Variants in PIEZO1 observed in about 807,000 individuals in gnomAD.
The protein encoded by PIEZO1 is piezo type mechanosensitive ion channel component 1 (Er blood group), also known as piezo-type mechanosensitive ion channel component 1.
In PIEZO1, 296 loss-of-function variants were observed where a neutral mutation model predicts 297.2. The observed-to-expected ratio is 1.00, with a 90% CI of 0.91 to 1.10. The LOEUF is 1.10. Ranked by LOEUF, PIEZO1 falls within the 50% of genes least tolerant of loss-of-function variation. The pLI is 0.00. For missense variants in PIEZO1, 5,018 were observed against 3,455.5 expected, an observed-to-expected ratio of 1.45 and a Z score of -11.34; for synonymous variants, 2,427 against 1,507.5, an observed-to-expected ratio of 1.61 and a Z score of -14.13.
rs1404932330 is a variant in PIEZO1 at position 88,736,253 on chromosome 16, C to G, written c.1452G>C (p.Trp484Cys). The change falls in exon 12 of 51, where the codon TGG becomes TGC. Residue 484 changes from tryptophan to cysteine, a missense_variant. By Grantham distance (215) the Trp-to-Cys change is radical. Coordinates refer to ENST00000301015, the MANE Select transcript of PIEZO1 (RefSeq NM_001142864.4). The stretch of plus-strand genomic sequence containing the variant: ...GCAGCTCAGGGCGCAGGTCCATGGC[C>G]CACACGTAGCGTAGGCAGCACAGCG... ...GMTLCCLRYV[W>C]AMDLRPELPT... 10 of 1,550,000 alleles carry G rather than the reference C, an allele frequency of 6.5e-6. No homozygotes were observed. Among genetic ancestry groups the G allele is most frequent in the Non-Finnish European group, 8.7e-6 (10 of 1,146,826 alleles).
Position 88,719,761 on chromosome 16 carries a change from T to C in PIEZO1, c.6324-40A>G, listed in dbSNP as rs752338911. On this transcript the variant is annotated intron_variant, in intron 43 of 50. Transcript: ENST00000301015. ...GGTTCCCGTCAGGTGGGCTCCCTCA[T>C]GCCCGGGCCGTGACCCCCACCCCGG... is the stretch of plus-strand genomic sequence containing the variant. The C allele has an allele frequency of 5.8e-6, 9 of 1,550,228 alleles. No individual in the cohort carries two copies. The South Asian group carries it at 1.1e-4, about 18-fold the overall frequency.
chr16:88,740,933 G>A (rs1226606498), intron 5 of PIEZO1: 2 of 152,820 alleles, frequency 1.3e-5, no homozygotes, highest in Non-Finnish European at 1.5e-5. Flanking sequence ...GTCCGTGTGA[G>A]GGGGCCATAG....
intron 35 of PIEZO1, 28 bp downstream of exon 35, chr16:88,722,555 C>T (rs1351420866): frequency 3.4e-6 from 5 of 1,477,500 alleles, no homozygotes; most frequent in Non-Finnish European, 3.6e-6. Flanking sequence ...GGGGCAGCAG[C>T]TGGGGCTCGG....
At chr16:88,746,469 C>G (rs1001491809) in intron 2 of PIEZO1, among the ~76,000 whole-genome samples, 2 of 152,298 alleles carry the variant, frequency 1.3e-5, no homozygotes, top group South Asian at 2.1e-4. Context: ...CAGCCCCAGC[C>G]CCTACCCCTC....
chr16:88,771,633 A>G (rs1020836385), intron 1 of PIEZO1, among the ~76,000 whole-genome samples: 3 of 152,232 alleles, frequency 2.0e-5, no homozygotes, highest in African/African-American at 4.8e-5. Context: ...GGTCCCCCTC[A>G]GCCCACAGTC....
In PIEZO1 at chr16:88,738,349, A is replaced by T; in HGVS notation, c.726T>A (p.Thr242=). Residue 242 remains threonine (T), a synonymous_variant, in exon 7 of 51, where the codon ACT becomes ACA. Transcript: ENST00000301015. The stretch of plus-strand genomic sequence containing the variant: ...CGACGCAGAGTCTGCTGAAGCCCCG[A>T]GTGCTGATGGGAAAGTGGCAGGCCC... ...TWWACHFPIS[T]RGFSRLCVAV... is the part of the protein sequence containing the mutation. 1 of 1,535,856 alleles carries T rather than the reference A, an allele frequency of 6.5e-7. No homozygotes were observed. Among genetic ancestry groups the T allele is most frequent in the Non-Finnish European group, 8.7e-7 (1 of 1,146,856 alleles).
chr16:88,715,802 C>T lies in PIEZO1; in HGVS notation c.7369G>A (p.Gly2457Arg), dbSNP rs747385238. 2.6e-5 allele frequency: 40 copies of T among 1,550,152 alleles called. No individual in the cohort carries two copies. Among genetic ancestry groups the T allele is most frequent in the African/African-American group, 1.2e-4 (9 of 73,032 alleles). Residue 2457 changes from glycine to arginine, a missense_variant, in exon 51 of 51, where the codon GGA becomes AGA. Transcript: ENST00000301015. Reference sequence around the variant, plus strand: ...GAGTGCGAGATCTCGCTGAAGAATCCGCGCACGAACTTGCCGATGACCAGC... The same window carrying T: ...GAGTGCGAGATCTCGCTGAAGAATCTGCGCACGAACTTGCCGATGACCAGC... ...IVLVIGKFVRGFFSEISHSIM... is the reference protein window; with the variant it reads ...IVLVIGKFVRRFFSEISHSIM...
chr16:88,783,938 T>C (rs1296530597), intron 1 of PIEZO1, among the ~76,000 whole-genome samples: 1 of 152,216 alleles, frequency 6.6e-6, no homozygotes, highest in Non-Finnish European at 1.5e-5. Context: ...ACCTGCCGTG[T>C]CCATGGCGGA....
In PIEZO1 at chr16:88,725,308, G is replaced by A. The variant is rs976199976; in HGVS notation, c.4162+108C>T. On this transcript the variant is annotated intron_variant, in intron 29 of 50. Transcript: ENST00000301015. The stretch of plus-strand genomic sequence containing the variant: ...GGGTGATCATGCGGACAGGACAGGC[G>A]GGCTGGGAGCCCTGTGGGACGTCAC... The A allele has an allele frequency of 9.2e-5, 70 of 761,122 alleles. 1 individual carries two copies. In the East Asian group the frequency reaches 1.1e-3, roughly 12 times the overall value. 47.1% of individuals were successfully genotyped at this position (761,122 alleles called of 1,614,324 possible).
At chr16:88,736,085 AGG>A in intron 12 of PIEZO1, 61 bp downstream of exon 12, 2 of 1,455,484 alleles carry the variant, frequency 1.4e-6, no homozygotes, top group East Asian at 5.0e-5. Flanking sequence ...GACATTGAAC[AGG>A]ACGACAACCC....
rs976006615 is a variant in PIEZO1 at position 88,722,875 on chromosome 16, G to A, written c.4630C>T (p.Arg1544Trp). The change falls in exon 34 of 51, where the codon CGG becomes TGG. Residue 1544 changes from arginine to tryptophan, a missense_variant. Coordinates refer to ENST00000301015, the MANE Select transcript of PIEZO1 (RefSeq NM_001142864.4). ...TGTGTGAGGAGGTAGCGCTCTGCCC[G>A]CAGCACGTCGCTCATGGTGCCGTGG... ...RHHGTMSDVL[R>W]AERYLLTQEL... 38 of 1,548,258 alleles carry A rather than the reference G, an allele frequency of 2.5e-5. No individual in the cohort carries two copies. Among genetic ancestry groups the A allele is most frequent in the African/African-American group, 4.1e-5 (3 of 73,028 alleles).
intron 22 of PIEZO1, among the ~76,000 whole-genome samples, chr16:88,729,508 T>TG (rs1904661201): frequency 1.6e-5 from 2 of 123,360 alleles, no homozygotes; most frequent in Non-Finnish European, 3.5e-5. Context: ...TGACCCTCGA[T>TG]GCTGGGGAAC....
chr16:88,738,955 T>A (rs1321640020), intron 5 of PIEZO1: 1 of 586,334 alleles, frequency 1.7e-6, no homozygotes, highest in African/African-American at 1.9e-5. Flanking sequence ...CTGCAGGCCT[T>A]CCTGGTAGCA....
At position 88,722,887 on chromosome 16, in the gene PIEZO1, TCATGGTGC is replaced by T; in HGVS notation, c.4610_4617del (p.Gly1537GlufsTer83). 6.5e-7 allele frequency: 1 copy of T among 1,549,034 alleles called. No homozygotes were observed. The highest frequency in any genetic ancestry group is 8.7e-7 in the Non-Finnish European group (1 of 1,146,802). Reference sequence around the variant, plus strand: ...TAGCGCTCTGCCCGCAGCACGTCGCTCATGGTGCCGTGGTGCCGGGTGAACTCCTGCAG... The same window carrying T: ...TAGCGCTCTGCCCGCAGCACGTCGCTCGTGGTGCCGGGTGAACTCCTGCAG... On this transcript the variant is annotated frameshift_variant, in exon 34 of 51. Coordinates refer to ENST00000301015, the MANE Select transcript of PIEZO1 (RefSeq NM_001142864.4). LOFTEE classifies it high-confidence loss of function.
chr16:88,758,444 C>T (rs796991371), intron 1 of PIEZO1, among the ~76,000 whole-genome samples: 1 of 152,228 alleles, frequency 6.6e-6, no homozygotes, highest in South Asian at 2.1e-4. Context: ...CCCAGGGCTC[C>T]TCCTGCTGTG....
chr16:88,768,972 C>A (rs1167650005), intron 1 of PIEZO1, among the ~76,000 whole-genome samples: 2 of 152,240 alleles, frequency 1.3e-5, no homozygotes, highest in African/African-American at 4.8e-5. Flanking sequence ...AGTGAGGACA[C>A]CAGCCCTATT....
chr16:88,745,016 G>C (rs1465830781), intron 2 of PIEZO1: 1 of 152,120 alleles, frequency 6.6e-6, no homozygotes. Flanking sequence ...ATGACCTCAA[G>C]GGGTCGGGTG....
rs1425781024 is a variant in PIEZO1, at chr16:88,734,940, C to T, written c.1783G>A (p.Gly595Ser). 12 of 1,550,366 alleles carry T rather than the reference C, an allele frequency of 7.7e-6. 1 individual carries two copies. Among genetic ancestry groups the T allele is most frequent in the Middle Eastern group, 3.3e-4 (2 of 6,014 alleles). ...AGMFIVVSFA[G>S]RLVVYKIVYM... Reference sequence around the variant, plus strand: ...ACAATCTTGTAGACCACGAGGCGGCCGGCGAAGCTGACCACGATGAACATG... The same window carrying T: ...ACAATCTTGTAGACCACGAGGCGGCTGGCGAAGCTGACCACGATGAACATG... The change falls in exon 14 of 51, where the codon GGC becomes AGC. Residue 595 changes from glycine (G) to serine (S), a missense_variant. Coordinates refer to ENST00000301015, the MANE Select transcript of PIEZO1 (RefSeq NM_001142864.4).
In PIEZO1 at chr16:88,738,616, G is replaced by C. The variant is rs1309961970; in HGVS notation, c.586C>G (p.Leu196Val). Residue 196 changes from leucine (L) to valine (V), a missense_variant, in exon 6 of 51, where the codon CTG becomes GTG. Coordinates refer to ENST00000301015, the MANE Select transcript of PIEZO1 (RefSeq NM_001142864.4). The part of the protein sequence containing the change: ...ARFRVTAHWL[L>V]VAAGRVLAVT... ...GCCAGGACCCGCCCAGCCGCCACCAGCAGCCAGTGGGCCGTGACTCGGAAA... is the reference window on the plus strand; with the variant it reads ...GCCAGGACCCGCCCAGCCGCCACCACCAGCCAGTGGGCCGTGACTCGGAAA... The C allele has an allele frequency of 6.5e-7, 1 of 1,535,532 alleles. No individual in the cohort carries two copies. The highest frequency in any genetic ancestry group is 1.4e-5 in the African/African-American group (1 of 73,058).
Sources: allele counts gnomAD v4.1 joint callset (sites outside exome capture counted in the v4.1 genomes callset), GRCh38; gene constraint gnomAD v4.1.1; transcripts MANE v1.5; gene names NCBI Gene and HGNC (gene_info 2026-07-23, HGNC 2026-07-21).